TENM3: variants seen among roughly 807,000 people sequenced by gnomAD.
TENM3 encodes teneurin-3.
TENM3 carries 63 observed loss-of-function variants against 255.1 expected under a neutral mutation model. The ratio of observed to expected loss-of-function variants is 0.25; its 90% CI spans 0.20 to 0.30. The LOEUF (loss-of-function observed/expected upper bound fraction) is 0.30, where lower values mean the gene tolerates loss of function less well. Ranked by LOEUF, TENM3 falls within the 10% of genes least tolerant of loss-of-function variation. The pLI is 1.00. For synonymous variants in TENM3, 1,306 were observed against 1,322.3 expected (o/e 0.99, Z 0.27); for missense variants, 2,929 against 3,461.1 (o/e 0.85, Z 3.86).
At chr4:182,700,200 T>G (rs1475432043) in intron 12 of TENM3, among the ~76,000 whole-genome samples, 3 of 152,196 alleles carry the variant, frequency 2.0e-5, no homozygotes, top group Non-Finnish European at 4.4e-5. Context: ...GCTGAGATCC[T>G]TATTACCTAA....
At chr4:182,654,769 G>T (rs1690438226) in intron 6 of TENM3, among the ~76,000 whole-genome samples, 1 of 152,142 alleles carries the variant, frequency 6.6e-6, no homozygotes, top group Admixed American at 6.5e-5. Flanking sequence ...AGACTGGAAA[G>T]AAATTATTCT....
the TENM3 span, among the ~76,000 whole-genome samples, chr4:182,123,002 C>CT: frequency 1.3e-5 from 2 of 152,178 alleles, no homozygotes; most frequent in African/African-American, 2.4e-5. Context: ...GGCTTCTTTC[C>CT]TTAAACCAAC....
At chr4:182,154,631 A>G (rs1262575419) in intron 1 of TENM3, among the ~76,000 whole-genome samples, 1 of 152,152 alleles carries the variant, frequency 6.6e-6, no homozygotes, top group Non-Finnish European at 1.5e-5. Flanking sequence ...CTTGCGGGGT[A>G]CTCAGTCATT....
chr4:182,066,677 A>G, the TENM3 span, among the ~76,000 whole-genome samples: 64 of 151,378 alleles, frequency 4.2e-4, no homozygotes, highest in East Asian at 3.3e-3. Flanking sequence ...TTCGGAGGCC[A>G]AGGCGGGCGG....
intron 3 of TENM3, among the ~76,000 whole-genome samples, chr4:182,490,794 G>T (rs1416434419): frequency 1.3e-5 from 2 of 152,032 alleles, no homozygotes; most frequent in Admixed American, 6.5e-5. Flanking sequence ...CTAACTCTTG[G>T]CCTGGGGAGC....
At chr4:181,650,666 C>G in the TENM3 span, among the ~76,000 whole-genome samples, 2 of 152,256 alleles carry the variant, frequency 1.3e-5, no homozygotes, top group Non-Finnish European at 2.9e-5. Context: ...TTGCAAACCC[C>G]AGATGTCATT....
At chr4:182,779,271 T>C (rs548206057) in intron 24 of TENM3, among the ~76,000 whole-genome samples, 112 of 151,614 alleles carry the variant, frequency 7.4e-4, no homozygotes, top group African/African-American at 2.2e-3. Context: ...TGTGATCTCA[T>C]TGTTCAATTC....
Position 182,789,398 on chromosome 4 carries a change from G to T in TENM3, c.5601+9G>T, listed in dbSNP as rs1260443393. ...ACACATATTTAGAAAAGGTATGCCT[G>T]CAAACTAAGCTCAACAATAGGGAAA... On this transcript the variant is annotated intron_variant, in intron 25 of 27. Transcript: ENST00000511685. The surrounding 1 kb of genome is among the most constrained non-coding windows in gnomAD (Gnocchi z 4.4). 2 of 1,603,950 alleles carry T rather than the reference G, an allele frequency of 1.2e-6. No individual in the cohort carries two copies. The highest frequency in any genetic ancestry group is 1.1e-5 in the South Asian group (1 of 89,932).
intron 11 of TENM3, among the ~76,000 whole-genome samples, chr4:182,684,084 G>C (rs1756380398): frequency 6.6e-6 from 1 of 151,640 alleles, no homozygotes; most frequent in Non-Finnish European, 1.5e-5. Flanking sequence ...AAATAGAAAA[G>C]AGATGAATTC....
At chr4:181,664,136 C>G in the TENM3 span, among the ~76,000 whole-genome samples, 1 of 152,128 alleles carries the variant, frequency 6.6e-6, no homozygotes, top group African/African-American at 2.4e-5. Flanking sequence ...CTTGCCTTTT[C>G]TGTACCTCAG....
At chr4:181,940,215 T>C in the TENM3 span, among the ~76,000 whole-genome samples, 2 of 152,182 alleles carry the variant, frequency 1.3e-5, no homozygotes, top group African/African-American at 4.8e-5. Context: ...CTTTAGAATA[T>C]AAAATAAATA....
At chr4:181,761,737 C>T in the TENM3 span, among the ~76,000 whole-genome samples, 2 of 152,000 alleles carry the variant, frequency 1.3e-5, no homozygotes, top group Non-Finnish European at 2.9e-5. Context: ...TCGAGTATTC[C>T]TAAGTACTGG....
chr4:182,450,226 G>A (rs1189996899), intron 3 of TENM3, among the ~76,000 whole-genome samples: 3 of 152,286 alleles, frequency 2.0e-5, no homozygotes, highest in East Asian at 3.9e-4. Flanking sequence ...GGTTTTAAAT[G>A]TTTCAGAGAG....
chr4:182,003,420 G>A, the TENM3 span, among the ~76,000 whole-genome samples: 1 of 151,964 alleles, frequency 6.6e-6, no homozygotes, highest in Non-Finnish European at 1.5e-5. Context: ...TATACCCCAT[G>A]GGTAACCAGC....
the TENM3 span, among the ~76,000 whole-genome samples, chr4:181,597,628 G>GTC: frequency 6.6e-6 from 1 of 152,024 alleles, no homozygotes; most frequent in Non-Finnish European, 1.5e-5. Context: ...ATACCACTGA[G>GTC]TCTCCCTGGA....
At chr4:182,475,084 T>C (rs1413941320) in intron 3 of TENM3, among the ~76,000 whole-genome samples, 1 of 152,168 alleles carries the variant, frequency 6.6e-6, no homozygotes, top group Non-Finnish European at 1.5e-5. Flanking sequence ...TGCACACTTA[T>C]TGGAGGTACC....
chr4:181,783,701 G>C, the TENM3 span, among the ~76,000 whole-genome samples: 4 of 152,080 alleles, frequency 2.6e-5, no homozygotes, highest in African/African-American at 9.7e-5. Context: ...GGTTTGGTTT[G>C]GAATTTTTTA....
the TENM3 span, among the ~76,000 whole-genome samples, chr4:181,839,345 G>GTA: frequency 7.1e-3 from 401 of 56,468 alleles, 3 homozygotes; most frequent in East Asian, 0.029. Context: ...TGTATTGAGG[G>GTA]TATATATATA....
the TENM3 span, among the ~76,000 whole-genome samples, chr4:181,704,253 C>T: frequency 3.3e-5 from 5 of 152,328 alleles, no homozygotes; most frequent in South Asian, 6.2e-4. Context: ...CCCAAAGAAC[C>T]TCCTCAGCTC....
Sources: allele counts gnomAD v4.1 joint callset (sites outside exome capture counted in the v4.1 genomes callset), GRCh38; gene constraint gnomAD v4.1.1; non-coding constraint Gnocchi (gnomAD v3.1); transcripts MANE v1.5; gene names NCBI Gene and HGNC (gene_info 2026-07-23, HGNC 2026-07-21).